The following ABCA7 variants were observed in gnomAD, a reference collection of about 807,000 sequenced individuals.
ABCA7 encodes ATP binding cassette subfamily A member 7.
A neutral mutation model predicts 227.6 loss-of-function variants in ABCA7; 261 were observed. The observed-to-expected ratio is 1.15, with a 90% CI of 1.04 to 1.27. ABCA7 has a LOEUF of 1.27. Among genes scored for constraint, ABCA7 ranks in the 50% most tolerant of loss-of-function variants. The pLI is 0.00. For synonymous variants in ABCA7, 1,488 were observed against 1,279.7 expected (o/e 1.16, Z -3.47); for missense variants, 3,331 against 2,924.5 (o/e 1.14, Z -3.21).
In ABCA7 at chr19:1,041,238, C is replaced by T; in HGVS notation, c.-124C>T. On this transcript the variant is annotated 5_prime_UTR_variant, in exon 2 of 47. Transcript: ENST00000263094. ...CGCTCTAATCAGAGCTTCCAGGAAC[C>T]CTGCGCTGTGGGATAAAGGAATGAG... The T allele has an allele frequency of 1.0e-6, 1 of 997,298 alleles. No homozygotes were observed. The highest frequency in any genetic ancestry group is 1.7e-5 in the Admixed American group (1 of 58,420). The allele number at this position is 997,298 out of a possible 1,614,324, so 61.8% of individuals were successfully genotyped here. A position where few individuals can be genotyped will look rare whatever the true frequency, so the allele number is the denominator to read the frequency against.
intron 11 of ABCA7, 50 bp from the exon 12 acceptor site, chr19:1,044,952 T>C (rs1200367950): frequency 1.3e-6 from 2 of 1,596,614 alleles, no homozygotes; most frequent in Non-Finnish European, 1.7e-6. Flanking sequence ...CGGAGTGGTC[T>C]AGGAGGCAGG....
In ABCA7 at chr19:1,042,802, G is replaced by A. The variant is rs761135677; in HGVS notation, c.555G>A (p.Glu185=). The A allele has an allele frequency of 3.1e-5, 50 of 1,611,098 alleles. No homozygotes were observed. The highest frequency in any genetic ancestry group is 4.1e-5 in the Non-Finnish European group (48 of 1,179,184). The change falls in exon 7 of 47, where the codon GAG becomes GAA. Residue 185 remains glutamate, a synonymous_variant. Transcript: ENST00000263094. ...AGGAGCCCTTGCACAGCTTGTTGGA[G>A]GCCGCTGAGGACCTGGCCCAGGAGG... is the stretch of plus-strand genomic sequence containing the variant. ...QAQEPLHSLL[E]AAEDLAQELL...
At chr19:1,058,517 ATTTGTG>A in intron 37 of ABCA7, 95 bp from the exon 38 acceptor site, 1 of 1,553,962 alleles carries the variant, frequency 6.4e-7, no homozygotes. Context: ...GGCCTATCCA[ATTTGTG>A]TTCCTTTCCC....
Position 1,053,740 on chromosome 19 carries a change from G to A in ABCA7, c.3424-48G>A, listed in dbSNP as rs759546815. On this transcript the variant is annotated intron_variant, in intron 24 of 46. Coordinates refer to ENST00000263094, the MANE Select transcript of ABCA7 (RefSeq NM_019112.4). ...GGGGTGGGGGGCTCACAAGCCCCCA[G>A]TTCTCCCTGTCGGTGTCCAGTCTCT... 16 of 1,586,690 alleles carry A rather than the reference G, an allele frequency of 1.0e-5. No individual in the cohort carries two copies. The Admixed American group carries it at 1.2e-4, about 12-fold the overall frequency.
intron 24 of ABCA7, 40 bp downstream of exon 24, chr19:1,053,571 G>A: frequency 6.5e-7 from 1 of 1,544,352 alleles, no homozygotes; most frequent in East Asian, 2.4e-5. Context: ...GCCAGGAGGA[G>A]GGCTTCCTGG....
intron 17 of ABCA7, 51 bp from the exon 18 acceptor site, chr19:1,049,215 G>C: frequency 1.3e-6 from 2 of 1,538,464 alleles, no homozygotes; most frequent in South Asian, 1.2e-5. Flanking sequence ...GGGACTTGCA[G>C]GCCCCAGGAC....
Position 1,044,758 on chromosome 19 carries a change from C to A in ABCA7, c.1215+14C>A. On this transcript the variant is annotated intron_variant, in intron 11 of 46. Transcript: ENST00000263094. ...CGAGTGACGGAGGTGAGGGCCTGTC[C>A]ACCTGCGGGGTCTGTTTCAGTGGGG... is the stretch of plus-strand genomic sequence containing the variant. 1 of 1,584,492 alleles carries A rather than the reference C, an allele frequency of 6.3e-7. No individual in the cohort carries two copies. The highest frequency in any genetic ancestry group is 8.6e-7 in the Non-Finnish European group (1 of 1,167,772).
intron 37 of ABCA7, 63 bp from the exon 38 acceptor site, chr19:1,058,555 G>T (rs184558069): frequency 1.9e-6 from 3 of 1,597,696 alleles, no homozygotes; most frequent in Admixed American, 3.7e-5. Context: ...GAGTGACATG[G>T]ATGGAGAAAG....
intron 35 of ABCA7, 68 bp downstream of exon 35, chr19:1,057,497 G>A: frequency 1.4e-6 from 2 of 1,435,702 alleles, no homozygotes; most frequent in Non-Finnish European, 9.8e-7. Context: ...TAATGCTGCT[G>A]AGATAGAACT....
In ABCA7 at chr19:1,063,568, C is replaced by T; in HGVS notation, c.5737C>T (p.Leu1913=). ...GACCGCTGGCTCGGGCCTGGCGCGT[C>T]TGGGACTCTCATGGTACGCAGACCG... ...AQTAGSGLAR[L]GLSWYADRPA... is the part of the protein sequence containing the mutation. The change falls in exon 43 of 47, where the codon CTG becomes TTG. Residue 1913 remains leucine, a synonymous_variant. Transcript: ENST00000263094. 1 of 1,610,994 alleles carries T rather than the reference C, an allele frequency of 6.2e-7. No homozygotes were observed. Among genetic ancestry groups the T allele is most frequent in the Non-Finnish European group, 8.5e-7 (1 of 1,179,916 alleles).
rs746436089 is a variant in ABCA7 at position 1,065,350 on chromosome 19, C to G, written c.6366C>G (p.Pro2122=). ...AGGAGGCAGGAGTGGGAGTGGACCC[C>G]GCGCCAGGCCTGCAGCACCCCAAAC... ...EQKEAGVGVD[P]APGLQHPKRV... The change falls in exon 47 of 47, where the codon CCC becomes CCG. Residue 2122 remains proline (P), a synonymous_variant. Coordinates refer to ENST00000263094, the MANE Select transcript of ABCA7 (RefSeq NM_019112.4). 1.2e-6 allele frequency: 2 copies of G among 1,613,614 alleles called. No homozygotes were observed. Among genetic ancestry groups the G allele is most frequent in the Non-Finnish European group, 1.7e-6 (2 of 1,180,000 alleles).
rs113465431 is a variant in ABCA7, at chr19:1,042,831, G to A, written c.579+5G>A. 5.9e-5 allele frequency: 93 copies of A among 1,586,424 alleles called. No homozygotes were observed. In the East Asian group the frequency reaches 1.7e-3, roughly 29 times the overall value. ...GCTGAGGACCTGGCCCAGGAGGTAC[G>A]AGGCCCCACTCATCCTCAACCCCCA... On this transcript the variant is annotated splice_donor_5th_base_variant and intron_variant, in intron 7 of 46. Transcript: ENST00000263094.
chr19:1,055,463 G>T (rs1423999806), intron 30 of ABCA7, 112 bp downstream of exon 30: 64 of 1,326,568 alleles, frequency 4.8e-5, no homozygotes, highest in Non-Finnish European at 5.8e-5. Context: ...CCAGCTTGGG[G>T]CTACGGGCTG....
chr19:1,061,386 G>A (rs1276068631), intron 40 of ABCA7, among the ~76,000 whole-genome samples: 2 of 93,756 alleles, frequency 2.1e-5, no homozygotes, highest in African/African-American at 1.6e-4. Flanking sequence ...GCAAGGCTCC[G>A]TCTCAAAAAA....
In ABCA7 at chr19:1,059,248, ATTATTTAT is replaced by A. The variant is rs3971801; in HGVS notation, c.5463+190_5463+197del. ...GCTCCTATTTTTATTTTATTATATT[ATTATTTAT>A]TTATTTATTTATTTATTTATTTATT... On this transcript the variant is annotated intron_variant, in intron 40 of 46. Transcript: ENST00000263094. The A allele has an allele frequency of 7.5e-3, 1,334 of 178,562 alleles. 20 individuals carry two copies. The highest frequency in any genetic ancestry group is 0.032 in the African/African-American group (1,243 of 38,784). The allele number at this position is 178,562 out of a possible 1,614,324, so 11.1% of individuals were successfully genotyped here.
chr19:1,064,156 G>C lies in ABCA7; in HGVS notation c.5952-5G>C, dbSNP rs1408177403. ...CACGGAGCTCGTGGTGCCGGGTCCCGACAGCATGGAGGAGTGTGAAGCGCT... is the reference window on the plus strand; with the variant it reads ...CACGGAGCTCGTGGTGCCGGGTCCCCACAGCATGGAGGAGTGTGAAGCGCT... On this transcript the variant is annotated splice_region_variant and splice_polypyrimidine_tract_variant and intron_variant, in intron 44 of 46. Transcript: ENST00000263094. 3 of 1,562,702 alleles carry C rather than the reference G, an allele frequency of 1.9e-6. No individual in the cohort carries two copies. The highest frequency in any genetic ancestry group is 2.6e-6 in the Non-Finnish European group (3 of 1,154,972).
intron 16 of ABCA7, among the ~76,000 whole-genome samples, 159 bp downstream of exon 16, chr19:1,047,813 G>T (rs114785426): frequency 0.034 from 5,198 of 152,184 alleles, 306 homozygotes; most frequent in African/African-American, 0.12. Flanking sequence ...GGCTGCATTG[G>T]AGGGGCGGGG....
intron 6 of ABCA7, 70 bp downstream of exon 6, chr19:1,042,467 A>G: frequency 6.3e-7 from 1 of 1,577,012 alleles, no homozygotes; most frequent in Non-Finnish European, 8.7e-7. Context: ...GCACTGCCCC[A>G]CCCCGGGCCA....
chr19:1,057,780 A>G, intron 35 of ABCA7, 135 bp from the exon 36 acceptor site: 1 of 1,270,442 alleles, frequency 7.9e-7, no homozygotes. Context: ...AGAGAAAGAA[A>G]AAAAAAAAAA....
Sources: allele counts gnomAD v4.1 joint callset (sites outside exome capture counted in the v4.1 genomes callset), GRCh38; gene constraint gnomAD v4.1.1; transcripts MANE v1.5; gene names NCBI Gene and HGNC (gene_info 2026-07-23, HGNC 2026-07-21).